Variants in SOS1 observed in about 807,000 individuals in gnomAD.
SOS1 encodes the protein SOS Ras/Rac guanine nucleotide exchange factor 1, also known as son of sevenless homolog 1.
In SOS1, 25 loss-of-function variants were observed where a neutral mutation model predicts 157.6. The observed-to-expected ratio is 0.16, with a 90% CI of 0.12 to 0.22. The LOEUF (loss-of-function observed/expected upper bound fraction) is 0.22, where lower values mean the gene tolerates loss of function less well. SOS1 is among the 10% of genes least tolerant of loss of function. The probability of loss-of-function intolerance (pLI) is 1.00; values close to 1 mark genes in which losing one functional copy is unlikely to be tolerated. For missense variants in SOS1, 1,237 were observed against 1,599.1 expected (o/e 0.77, Z 3.86); for synonymous variants, 528 against 534.0 (o/e 0.99, Z 0.16).
intron 6 of SOS1, among the ~76,000 whole-genome samples, chr2:39,047,507 C>A (rs1670833548): frequency 6.6e-6 from 1 of 152,176 alleles, no homozygotes; most frequent in African/African-American, 2.4e-5. Context: ...CCAACTGCTC[C>A]ATGGTTTCAA....
intron 3 of SOS1, 71 bp from the exon 4 acceptor site, chr2:39,056,937 A>G (rs755362424): frequency 5.4e-6 from 6 of 1,118,470 alleles, no homozygotes; most frequent in Non-Finnish European, 6.7e-6. Context: ...TAAAAATAAA[A>G]AACATATTTG....
chr2:39,091,763 C>T (rs1468552584), intron 1 of SOS1, among the ~76,000 whole-genome samples: 3 of 152,118 alleles, frequency 2.0e-5, no homozygotes, highest in African/African-American at 2.4e-5. Flanking sequence ...TTCTATAATA[C>T]GGCCAGGACT....
chr2:38,989,393 A>T, intron 20 of SOS1, 79 bp from the exon 21 acceptor site: 1 of 872,544 alleles, frequency 1.1e-6, no homozygotes, highest in Non-Finnish European at 1.9e-6. Context: ...TTGTATTATG[A>T]TGAAAATGTT....
intron 1 of SOS1, among the ~76,000 whole-genome samples, chr2:39,103,719 G>T (rs1673060169): frequency 6.6e-6 from 1 of 152,200 alleles, no homozygotes; most frequent in Non-Finnish European, 1.5e-5. Context: ...AAATCCTCAT[G>T]ACCTTGGATT....
chr2:39,000,524 AGG>A (rs1448988537), intron 17 of SOS1, among the ~76,000 whole-genome samples: 11 of 152,200 alleles, frequency 7.2e-5, no homozygotes, highest in Non-Finnish European at 2.9e-5. Context: ...CAGCTCTTCT[AGG>A]GAAAGAGAAA....
In SOS1 at chr2:39,107,260, C is replaced by T. The variant is rs141363104; in HGVS notation, c.87+13076G>A. 7.3e-3 allele frequency among the ~76,000 whole-genome samples: 1,105 copies of T among 152,232 alleles called. 7 individuals are homozygous for T. Among genetic ancestry groups the T allele is most frequent in the Middle Eastern group, 0.014 (4 of 294 alleles). On this transcript the variant is annotated intron_variant, in intron 1 of 22. Transcript: ENST00000402219. ...AAGGATAATAGACTGAGTGCTGCAG[C>T]AGCTGCACTCAAATCCATCACTGTG...
rs554157479 is a variant in SOS1, at chr2:39,080,240, C to T, written c.88-12487G>A. Among the ~76,000 whole-genome samples the T allele has an allele frequency of 4.6e-5, 7 of 151,954 alleles. No homozygotes were observed. The East Asian group carries it at 1.4e-3, about 29-fold the overall frequency. ...AGGCATTAGATTCTCATAAGGAGTA[C>T]GCAACCTAGATGCCTCACATGCACA... On this transcript the variant is annotated intron_variant, in intron 1 of 22. Transcript: ENST00000402219.
chr2:39,116,963 T>G lies in SOS1; in HGVS notation c.87+3373A>C, dbSNP rs537916554. On this transcript the variant is annotated intron_variant, in intron 1 of 22. Coordinates refer to ENST00000402219, the MANE Select transcript of SOS1 (RefSeq NM_005633.4). ...AAAAACTGTTCATAAACCAGTTGTC[T>G]CTCCAGACATGCCCTGCCACTTCCC... Among the ~76,000 whole-genome samples, 3 of 152,158 alleles carry G rather than the reference T, an allele frequency of 2.0e-5. No homozygotes were observed. In the South Asian group the frequency reaches 6.2e-4, roughly 32 times the overall value.
chr2:39,030,758 ATCT>A (rs1301672813), intron 8 of SOS1, among the ~76,000 whole-genome samples: 2 of 152,160 alleles, frequency 1.3e-5, no homozygotes, highest in African/African-American at 2.4e-5. Context: ...TATGAATGTG[ATCT>A]TCTTTGGAAA....
Position 39,051,118 on chromosome 2 carries a change from T to C in SOS1, c.864+26A>G, listed in dbSNP as rs369000327. 2.3e-4 allele frequency: 373 copies of C among 1,610,314 alleles called. 1 individual carries two copies. Among genetic ancestry groups the C allele is most frequent in the South Asian group, 5.4e-4 (49 of 91,036 alleles). ...TAAATGTAGGCTTTTATGCAGACTT[T>C]TCGGGTATATAATTGAAGTACTTAC... is the stretch of plus-strand genomic sequence containing the variant. On this transcript the variant is annotated intron_variant, in intron 6 of 22. Coordinates refer to ENST00000402219, the MANE Select transcript of SOS1 (RefSeq NM_005633.4).
chr2:39,010,779 C>A (rs1025932029), intron 14 of SOS1, 76 bp from the exon 15 acceptor site: 21 of 1,176,066 alleles, frequency 1.8e-5, no homozygotes, highest in Non-Finnish European at 2.1e-5. Flanking sequence ...GTAAAGGAGA[C>A]AAATAAAAAC....
intron 10 of SOS1, 24 bp from the exon 11 acceptor site, chr2:39,014,870 C>G (rs1380243855): frequency 1.8e-6 from 2 of 1,138,840 alleles, no homozygotes; most frequent in Non-Finnish European, 2.7e-6. Flanking sequence ...GGAAAAATAT[C>G]TTATTAAACT....
chr2:39,046,863 T>C (rs1025594789), intron 6 of SOS1, among the ~76,000 whole-genome samples: 18 of 152,338 alleles, frequency 1.2e-4, no homozygotes, highest in African/African-American at 4.1e-4. Context: ...AGTAAAACTT[T>C]CCTTCTTGCT....
Position 39,004,144 on chromosome 2 carries a change from G to A in SOS1, c.2791+2268C>T, listed in dbSNP as rs533454976. Among the ~76,000 whole-genome samples the A allele has an allele frequency of 1.6e-4, 24 of 152,184 alleles. No individual in the cohort carries two copies. The South Asian group carries it at 4.3e-3, about 28-fold the overall frequency. ...AAGAAGGAGGTCCCTGGCCGGGTGCGGTGGCTCAAGCCTGTAATCCCAGCA... is the reference window on the plus strand; with the variant it reads ...AAGAAGGAGGTCCCTGGCCGGGTGCAGTGGCTCAAGCCTGTAATCCCAGCA... On this transcript the variant is annotated intron_variant, in intron 17 of 22. Coordinates refer to ENST00000402219, the MANE Select transcript of SOS1 (RefSeq NM_005633.4).
intron 6 of SOS1, among the ~76,000 whole-genome samples, chr2:39,041,536 G>A (rs1463618119): frequency 1.3e-5 from 2 of 152,256 alleles, no homozygotes; most frequent in Non-Finnish European, 2.9e-5. Context: ...TTTTGAAGAA[G>A]TCCAAATTAT....
chr2:39,013,665 T>C (rs575267171), intron 12 of SOS1, 102 bp from the exon 13 acceptor site: 2 of 965,892 alleles, frequency 2.1e-6, no homozygotes, highest in Admixed American at 3.4e-5. Context: ...TCTTACCAAA[T>C]TAATCTTATC....
chr2:39,079,883 G>A (rs1291041098), intron 1 of SOS1, among the ~76,000 whole-genome samples: 1 of 151,886 alleles, frequency 6.6e-6, no homozygotes, highest in Non-Finnish European at 1.5e-5. Context: ...TTCTTGGCAT[G>A]AGGGACTGGT....
chr2:39,115,764 G>C (rs1673627062), intron 1 of SOS1, among the ~76,000 whole-genome samples: 1 of 152,132 alleles, frequency 6.6e-6, no homozygotes. Flanking sequence ...TTGCTGAGTA[G>C]TATTCCACTG....
intron 1 of SOS1, among the ~76,000 whole-genome samples, chr2:39,112,994 C>A (rs776510140): frequency 1.3e-5 from 2 of 151,788 alleles, no homozygotes; most frequent in Non-Finnish European, 2.9e-5. Flanking sequence ...GGAGATCACA[C>A]CACTGCACTC....
Sources: gnomAD v4.1 joint callset for allele counts (sites outside exome capture counted in the v4.1 genomes callset) on GRCh38, gnomAD v4.1.1 for gene constraint, MANE v1.5 for transcripts, NCBI Gene and HGNC (gene_info 2026-07-23, HGNC 2026-07-21) for gene names.